Variants in SLC2A10 observed in about 807,000 individuals in gnomAD.
SLC2A10 encodes the protein solute carrier family 2, facilitated glucose transporter member 10.
In SLC2A10, 25 loss-of-function variants were observed where a neutral mutation model predicts 32.1. The ratio of observed to expected loss-of-function variants is 0.78; its 90% CI spans 0.57 to 1.09. The LOEUF (loss-of-function observed/expected upper bound fraction) is 1.09. SLC2A10 is among the 50% of genes least tolerant of loss of function. The probability of loss-of-function intolerance (pLI) is 0.00; values close to 1 mark genes in which losing one functional copy is unlikely to be tolerated. For synonymous variants in SLC2A10, 332 were observed against 309.6 expected (o/e 1.07, Z -0.76); for missense variants, 673 against 686.5 (o/e 0.98, Z 0.22).
chr20:46,725,427 C>T lies in SLC2A10; in HGVS notation c.391C>T (p.Gln131Ter), dbSNP rs1209653695. The change falls in exon 2 of 5, where the codon CAG becomes TAG. Residue 131 changes from glutamine to a stop codon, truncating the protein, a stop_gained. Transcript: ENST00000359271. LOFTEE classifies it high-confidence loss of function. ...IYVSELVGPR[Q>*]RGVLVSLYEA... ...CGTGTCAGAGCTGGTGGGGCCACGG[C>T]AGCGGGGAGTGCTGGTGTCCCTCTA... The T allele has an allele frequency of 6.2e-7, 1 of 1,614,174 alleles. No homozygotes were observed. Among genetic ancestry groups the T allele is most frequent in the East Asian group, 2.2e-5 (1 of 44,878 alleles).
chr20:46,722,523 G>T (rs1979615700), intron 1 of SLC2A10, among the ~76,000 whole-genome samples: 1 of 152,190 alleles, frequency 6.6e-6, no homozygotes, highest in Non-Finnish European at 1.5e-5. Context: ...TTTATGAAGG[G>T]TTATCTATGC....
upstream of SLC2A10, chr20:46,709,644 AG>A: frequency 6.8e-7 from 1 of 1,468,444 alleles, no homozygotes; most frequent in Non-Finnish European, 9.1e-7. Flanking sequence ...CGGGCCGGAA[AG>A]TTTGTCCGGC....
intron 1 of SLC2A10, among the ~76,000 whole-genome samples, chr20:46,713,597 A>G (rs1979057085): frequency 6.6e-6 from 1 of 152,114 alleles, no homozygotes; most frequent in African/African-American, 2.4e-5. Flanking sequence ...CTTTTCTTAG[A>G]CTGAAATAGG....
intron 1 of SLC2A10, among the ~76,000 whole-genome samples, chr20:46,722,433 G>T (rs745365029): frequency 2.0e-5 from 3 of 152,186 alleles, no homozygotes; most frequent in Non-Finnish European, 4.4e-5. Context: ...CAAGCTTTTA[G>T]CATAAAACAT....
chr20:46,723,692 C>T (rs1438595386), intron 1 of SLC2A10, among the ~76,000 whole-genome samples: 1 of 152,128 alleles, frequency 6.6e-6, no homozygotes, highest in African/African-American at 2.4e-5. Context: ...TGATCTGGCC[C>T]CTGCCTATTT....
Position 46,726,967 on chromosome 20 carries a change from C to A in SLC2A10, c.1392C>A (p.Leu464=). ...FNWAANLFIS[L]SFLDLIGTIG... ...GGGCGGCCAACCTCTTCATCAGCCT[C>A]TCCTTCCTCGATCTCATTGGTGAGT... The change falls in exon 3 of 5, where the codon CTC becomes CTA. Residue 464 remains leucine (L), a synonymous_variant. Coordinates refer to ENST00000359271, the MANE Select transcript of SLC2A10 (RefSeq NM_030777.4). 6.2e-7 allele frequency: 1 copy of A among 1,614,254 alleles called. No homozygotes were observed. The highest frequency in any genetic ancestry group is 8.5e-7 in the Non-Finnish European group (1 of 1,180,044).
chr20:46,711,154 C>T (rs951661520), intron 1 of SLC2A10, among the ~76,000 whole-genome samples: 13 of 152,332 alleles, frequency 8.5e-5, no homozygotes, highest in Admixed American at 3.9e-4. Context: ...CCTCCGCGCC[C>T]GGCCCTGAAT....
At position 46,725,718 on chromosome 20, in the gene SLC2A10, A is replaced by C. The variant is rs781667255; in HGVS notation, c.682A>C (p.Met228Leu). 1 of 1,614,000 alleles carries C rather than the reference A, an allele frequency of 6.2e-7. No homozygotes were observed. Among genetic ancestry groups the C allele is most frequent in the South Asian group, 1.1e-5 (1 of 91,086 alleles). ...GGACCTCTTCAGGGCACGCGATAAC[A>C]TGCGAGGCCGGACCACAGTGGGCCT... ...FLDLFRARDN[M>L]RGRTTVGLGL... Residue 228 changes from methionine to leucine, a missense_variant, in exon 2 of 5, where the codon ATG becomes CTG. By Grantham distance (15) the Met-to-Leu change is conservative (BLOSUM62 2). Coordinates refer to ENST00000359271, the MANE Select transcript of SLC2A10 (RefSeq NM_030777.4).
At chr20:46,729,885 C>T (rs3091421) in intron 4 of SLC2A10, among the ~76,000 whole-genome samples, 56,803 of 151,664 alleles carry the variant, frequency 0.37, 11,492 homozygotes, top group East Asian at 0.6. Flanking sequence ...CCGCCTCGGC[C>T]TCCCAAAGTG....
chr20:46,723,803 T>A lies in SLC2A10; in HGVS notation c.5-1238T>A, dbSNP rs771510846. 4.1e-4 allele frequency among the ~76,000 whole-genome samples: 62 copies of A among 152,248 alleles called. 1 individual carries two copies. Among genetic ancestry groups the A allele is most frequent in the Admixed American group, 2.2e-3 (33 of 15,290 alleles). On this transcript the variant is annotated intron_variant, in intron 1 of 4. Transcript: ENST00000359271. ...ATTAAAGGTCCTCACTTTAGCCACA[T>A]CATCTCTACAACTTACTTGTTATGT...
intron 1 of SLC2A10, among the ~76,000 whole-genome samples, chr20:46,722,460 C>G (rs1979611655): frequency 1.3e-5 from 2 of 152,212 alleles, no homozygotes; most frequent in Admixed American, 1.3e-4. Flanking sequence ...CTGATCATGT[C>G]TTCAGACTTT....
chr20:46,722,830 C>G (rs1430046422), intron 1 of SLC2A10, among the ~76,000 whole-genome samples: 1 of 152,214 alleles, frequency 6.6e-6, no homozygotes, highest in Non-Finnish European at 1.5e-5. Flanking sequence ...CATGAACTCT[C>G]CAGTTTGGCA....
chr20:46,710,761 A>G (rs1040842427), intron 1 of SLC2A10, among the ~76,000 whole-genome samples: 2 of 152,206 alleles, frequency 1.3e-5, no homozygotes, highest in African/African-American at 4.8e-5. Context: ...GGGATGGCAG[A>G]GAGGTGTGCA....
At chr20:46,728,468 T>C (rs1184988429) in intron 3 of SLC2A10, among the ~76,000 whole-genome samples, 1 of 152,142 alleles carries the variant, frequency 6.6e-6, no homozygotes, top group Non-Finnish European at 1.5e-5. Flanking sequence ...CCGGAGGCTC[T>C]AGGAGGAGGC....
chr20:46,711,071 C>T (rs1978882002), intron 1 of SLC2A10, among the ~76,000 whole-genome samples: 1 of 146,232 alleles, frequency 6.8e-6, no homozygotes, highest in African/African-American at 2.7e-5. Context: ...GTGGGTTTCA[C>T]CATGTTGGCC....
intron 1 of SLC2A10, among the ~76,000 whole-genome samples, chr20:46,714,182 TGGCCCCCAGTGGCTCCA>T (rs200521505): frequency 0.015 from 2,328 of 152,234 alleles, 60 homozygotes; most frequent in African/African-American, 0.054. Context: ...TTGGGGAAGA[TGGCCCCCAGTGGCTCCA>T]GGCAAGTAAA....
Position 46,726,983 on chromosome 20 carries a change from A to G in SLC2A10, c.1408A>G (p.Ile470Val), listed in dbSNP as rs1055500540. 1.2e-6 allele frequency: 2 copies of G among 1,613,920 alleles called. No individual in the cohort carries two copies. The highest frequency in any genetic ancestry group is 2.2e-5 in the East Asian group (1 of 44,884). ...LFISLSFLDLIGTIGLSWTFL... is the reference protein window; with the variant it reads ...LFISLSFLDLVGTIGLSWTFL... ...CATCAGCCTCTCCTTCCTCGATCTC[A>G]TTGGTGAGTCCTTCCCAGACAAGTC... Residue 470 changes from isoleucine to valine, a missense_variant, in exon 3 of 5, where the codon ATT (isoleucine) becomes GTT (valine). Ile to Val is a conservative substitution (Grantham distance 29, BLOSUM62 3). Transcript: ENST00000359271.
chr20:46,716,931 G>C (rs1432054114), intron 1 of SLC2A10, among the ~76,000 whole-genome samples: 1 of 152,114 alleles, frequency 6.6e-6, no homozygotes, highest in Non-Finnish European at 1.5e-5. Context: ...GCTGAGGCAG[G>C]AGAATTGCTA....
Position 46,729,505 on chromosome 20 carries a change from GT to G in SLC2A10, c.1547+18del, listed in dbSNP as rs771439306. 26 of 1,613,568 alleles carry G rather than the reference GT, an allele frequency of 1.6e-5. 1 individual carries two copies. The highest frequency in any genetic ancestry group is 2.1e-5 in the Non-Finnish European group (25 of 1,179,702). On this transcript the variant is annotated intron_variant, in intron 4 of 4. Transcript: ENST00000359271. ...GAAGAGACGGTAGGAAGCTGACAGG[GT>G]GGGTCTGGGGGAAGAGCTGTAGCAC...
Sources: gnomAD v4.1 joint callset for allele counts (sites outside exome capture counted in the v4.1 genomes callset) on GRCh38, gnomAD v4.1.1 for gene constraint, MANE v1.5 for transcripts, NCBI Gene and HGNC (gene_info 2026-07-23, HGNC 2026-07-21) for gene names.